Variants in DYNC2I2 observed in about 807,000 individuals in gnomAD.
DYNC2I2 encodes the protein cytoplasmic dynein 2 intermediate chain 2.
A neutral mutation model predicts 52.0 loss-of-function variants in DYNC2I2; 39 were observed. The observed-to-expected ratio is 0.75, with a 90% confidence interval of 0.58 to 0.98. The LOEUF (loss-of-function observed/expected upper bound fraction) is 0.98, where lower values mean the gene tolerates loss of function less well. DYNC2I2 is among the 50% of genes least tolerant of loss of function. The pLI is 0.00. For synonymous variants in DYNC2I2, 359 were observed against 321.1 expected (o/e 1.12, Z -1.26); for missense variants, 743 against 728.4 (o/e 1.02, Z -0.23).
upstream of DYNC2I2, among the ~76,000 whole-genome samples, chr9:128,659,234 G>A (rs1227910166): frequency 2.0e-5 from 3 of 151,870 alleles, no homozygotes; most frequent in South Asian, 2.1e-4. Flanking sequence ...TTAAGGGGCC[G>A]GGCGCGGTGG....
the DYNC2I2 span, chr9:128,683,869 G>T: frequency 6.5e-7 from 1 of 1,534,656 alleles, no homozygotes. Flanking sequence ...GAGACTCGTG[G>T]TCTGGTTCTG....
chr9:128,635,122 C>T lies in DYNC2I2; in HGVS notation c.951G>A (p.Gln317=), dbSNP rs1277308154. 6.2e-7 allele frequency: 1 copy of T among 1,613,050 alleles called. No homozygotes were observed. Among genetic ancestry groups the T allele is most frequent in the East Asian group, 2.2e-5 (1 of 44,874 alleles). The change falls in exon 6 of 9, where the codon CAG becomes CAA. Residue 317 remains glutamine, a synonymous_variant. Coordinates refer to ENST00000372715, the MANE Select transcript of DYNC2I2 (RefSeq NM_052844.4). The part of the protein sequence containing the change: ...QLTEGFALVM[Q]QLPRSTKLKK... ...TGAGCTTGGTGCTCCGTGGCAGCTG[C>T]TGCATGACCAGGGCGAAGCCCTCTG...
At position 128,655,828 on chromosome 9, in the gene DYNC2I2, G is replaced by A. The variant is rs566608840; in HGVS notation, c.186+713C>T. On this transcript the variant is annotated intron_variant, in intron 1 of 8. Coordinates refer to ENST00000372715, the MANE Select transcript of DYNC2I2 (RefSeq NM_052844.4). ...GGGGAGGCTGGGGCAGGAGAATGGCGTGAACCTGGGAGGCGGAGTTTGCAG... is the reference window on the plus strand; with the variant it reads ...GGGGAGGCTGGGGCAGGAGAATGGCATGAACCTGGGAGGCGGAGTTTGCAG... 2.1e-5 allele frequency among the ~76,000 whole-genome samples: 3 copies of A among 144,978 alleles called. No homozygotes were observed. In the South Asian group the frequency reaches 6.8e-4, roughly 33 times the overall value.
chr9:128,654,977 T>C (rs1408373296), intron 1 of DYNC2I2, among the ~76,000 whole-genome samples: 7 of 152,010 alleles, frequency 4.6e-5, no homozygotes, highest in Non-Finnish European at 8.8e-5. Context: ...CACTGCCCCA[T>C]GTAAGCTCGA....
At chr9:128,673,623 A>C in the DYNC2I2 span, among the ~76,000 whole-genome samples, 1 of 150,458 alleles carries the variant, frequency 6.6e-6, no homozygotes, top group African/African-American at 2.5e-5. Context: ...CTCCTGCCTC[A>C]GCCTCCCGAG....
chr9:128,653,598 C>T (rs1453499861), intron 1 of DYNC2I2, among the ~76,000 whole-genome samples: 1 of 150,314 alleles, frequency 6.7e-6, no homozygotes, highest in East Asian at 1.9e-4. Context: ...CACCTGTAGT[C>T]CCAGCTACTC....
At chr9:128,643,472 A>G (rs1278276756) in intron 1 of DYNC2I2, among the ~76,000 whole-genome samples, 1 of 151,494 alleles carries the variant, frequency 6.6e-6, no homozygotes, top group Non-Finnish European at 1.5e-5. Context: ...GGTTGCAGTG[A>G]GCCGAGATCG....
At chr9:128,671,382 A>C in the DYNC2I2 span, among the ~76,000 whole-genome samples, 1 of 150,984 alleles carries the variant, frequency 6.6e-6, no homozygotes, top group Non-Finnish European at 1.5e-5. Flanking sequence ...GTTCACTGCA[A>C]ACTCCGCCTC....
chr9:128,634,108 G>C (rs1860292232), intron 8 of DYNC2I2, 118 bp downstream of exon 8: 1 of 1,555,722 alleles, frequency 6.4e-7, no homozygotes. Context: ...TGGGTTGCTG[G>C]AGGGAAGCCG....
At chr9:128,684,401 G>C in the DYNC2I2 span, among the ~76,000 whole-genome samples, 7 of 152,070 alleles carry the variant, frequency 4.6e-5, no homozygotes, top group African/African-American at 1.4e-4. Context: ...CTCTCTCTCT[G>C]TTCTTGCTGC....
the DYNC2I2 span, among the ~76,000 whole-genome samples, chr9:128,666,052 G>A: frequency 1.3e-5 from 2 of 151,956 alleles, no homozygotes; most frequent in African/African-American, 4.8e-5. Flanking sequence ...TCCAGCCTGG[G>A]AGACAGAGCA....
At chr9:128,653,904 G>A (rs543514401) in intron 1 of DYNC2I2, among the ~76,000 whole-genome samples, 1 of 152,202 alleles carries the variant, frequency 6.6e-6, no homozygotes, top group African/African-American at 2.4e-5. Flanking sequence ...CCAGCTACTG[G>A]GGAGGCTGAG....
At chr9:128,678,154 C>T in the DYNC2I2 span, among the ~76,000 whole-genome samples, 7 of 151,364 alleles carry the variant, frequency 4.6e-5, no homozygotes, top group Non-Finnish European at 8.8e-5. Flanking sequence ...ACCGCAACCT[C>T]TGCCTCCCGC....
At chr9:128,661,411 G>T (rs970043680), upstream of DYNC2I2, among the ~76,000 whole-genome samples, 1 of 151,774 alleles carries the variant, frequency 6.6e-6, no homozygotes, top group African/African-American at 2.4e-5. Flanking sequence ...CTGAGGTCAG[G>T]AGTTCAAGAC....
At chr9:128,664,150 CAG>C in the DYNC2I2 span, among the ~76,000 whole-genome samples, 1 of 151,790 alleles carries the variant, frequency 6.6e-6, no homozygotes, top group African/African-American at 2.4e-5. Context: ...TTAGTAAAAA[CAG>C]GGTTTCACCA....
chr9:128,660,512 G>A (rs1204974132), upstream of DYNC2I2, among the ~76,000 whole-genome samples: 3 of 151,672 alleles, frequency 2.0e-5, no homozygotes, highest in Non-Finnish European at 2.9e-5. Context: ...GGGTTCAAGC[G>A]ATTCTCCTGC....
intron 2 of DYNC2I2, among the ~76,000 whole-genome samples, chr9:128,637,510 T>A (rs1361489141): frequency 1.3e-5 from 2 of 152,194 alleles, no homozygotes; most frequent in Non-Finnish European, 2.9e-5. Flanking sequence ...TGGTGCAGTC[T>A]CCACTCACTG....
At chr9:128,643,253 G>A (rs750153886) in intron 1 of DYNC2I2, among the ~76,000 whole-genome samples, 6 of 152,130 alleles carry the variant, frequency 3.9e-5, no homozygotes, top group Non-Finnish European at 8.8e-5. Flanking sequence ...GAAGCCAGGC[G>A]CAGTGGCTCA....
chr9:128,636,229 G>C (rs780987184), intron 4 of DYNC2I2, 52 bp downstream of exon 4: 2 of 1,551,030 alleles, frequency 1.3e-6, no homozygotes, highest in Non-Finnish European at 1.7e-6. Context: ...CCTCTGCAGG[G>C]CGGGAAGCTG....
Sources: gnomAD v4.1 joint callset for allele counts (sites outside exome capture counted in the v4.1 genomes callset) on GRCh38, gnomAD v4.1.1 for gene constraint, MANE v1.5 for transcripts, NCBI Gene and HGNC (gene_info 2026-07-23, HGNC 2026-07-21) for gene names.